NAA11: variants seen among roughly 807,000 people sequenced by gnomAD.
NAA11 encodes the protein N-alpha-acetyltransferase 11, NatA catalytic subunit.
NAA11 carries 15 observed loss-of-function variants against 16.1 expected under a neutral mutation model. The ratio of observed to expected loss-of-function variants is 0.93; its 90% CI spans 0.62 to 1.44. The LOEUF (loss-of-function observed/expected upper bound fraction) is 1.44, where lower values mean the gene tolerates loss of function less well. Ranked by LOEUF, NAA11 falls within the 40% of genes most tolerant of loss-of-function variation. The pLI is 0.00. For synonymous variants in NAA11, 122 were observed against 112.4 expected, an observed-to-expected ratio of 1.09 and a Z score of -0.54; for missense variants, 298 against 291.3, an observed-to-expected ratio of 1.02 and a Z score of -0.17.
chr4:79,218,424 A>G, the NAA11 span, among the ~76,000 whole-genome samples: 1 of 152,044 alleles, frequency 6.6e-6, no homozygotes, highest in Non-Finnish European at 1.5e-5. Flanking sequence ...TTACATATAC[A>G]ACTCCATAAA....
intron 2 of NAA11, among the ~76,000 whole-genome samples, chr4:79,260,704 G>A (rs1045461712): frequency 1.3e-5 from 2 of 152,308 alleles, no homozygotes. Flanking sequence ...GAAAATCAGA[G>A]CTGAAATCGT....
At chr4:79,173,499 G>A in the NAA11 span, among the ~76,000 whole-genome samples, 1 of 151,966 alleles carries the variant, frequency 6.6e-6, no homozygotes, top group African/African-American at 2.4e-5. Flanking sequence ...TATACTAGAT[G>A]TTTAATAAAT....
At chr4:79,288,335 G>C (rs1722997361) in intron 2 of NAA11, among the ~76,000 whole-genome samples, 1 of 152,098 alleles carries the variant, frequency 6.6e-6, no homozygotes, top group African/African-American at 2.4e-5. Context: ...TTCATGAGTA[G>C]GCCAGAGGTG....
the NAA11 span, among the ~76,000 whole-genome samples, chr4:79,186,164 C>G: frequency 6.6e-6 from 1 of 152,180 alleles, no homozygotes; most frequent in South Asian, 2.1e-4. Context: ...CAAGCCCACT[C>G]ATTTTAAAAG....
At chr4:79,246,942 G>T (rs1721853471) in intron 2 of NAA11, among the ~76,000 whole-genome samples, 1 of 152,204 alleles carries the variant, frequency 6.6e-6, no homozygotes, top group African/African-American at 2.4e-5. Context: ...CCCAGTTTTG[G>T]TTTCTTGAGG....
At chr4:79,166,653 A>T in the NAA11 span, among the ~76,000 whole-genome samples, 4 of 143,272 alleles carry the variant, frequency 2.8e-5, no homozygotes, top group East Asian at 9.2e-4. Flanking sequence ...GCGGATCACA[A>T]GGTCAGGAGT....
At chr4:79,286,575 A>G (rs1262122828) in intron 2 of NAA11, among the ~76,000 whole-genome samples, 1 of 152,120 alleles carries the variant, frequency 6.6e-6, no homozygotes, top group African/African-American at 2.4e-5. Context: ...GTCACATGAG[A>G]TTACAGTTGA....
rs1041694116 is a variant in NAA11 at position 79,325,650 on chromosome 4, G to C, written c.228C>G (p.Ala76=). The C allele has an allele frequency of 3.1e-6, 5 of 1,614,050 alleles. No individual in the cohort carries two copies. Among genetic ancestry groups the C allele is most frequent in the Admixed American group, 1.7e-5 (1 of 60,020 alleles). ...CGAGGCGCCGGTGTGAACGCTTCAC[G>C]GCCAGTGAGGTGATATGGCCATGCG... ...DVPHGHITSL[A]VKRSHRRLGL... is the part of the protein sequence containing the mutation. The change falls in exon 1 of 2, where the codon GCC becomes GCG. Residue 76 remains alanine (A), a synonymous_variant. Coordinates refer to ENST00000286794, the MANE Select transcript of NAA11 (RefSeq NM_032693.3).
At chr4:79,191,917 A>G in the NAA11 span, among the ~76,000 whole-genome samples, 1 of 152,184 alleles carries the variant, frequency 6.6e-6, no homozygotes, top group Non-Finnish European at 1.5e-5. Context: ...CAGTTATCCC[A>G]GCACCATTTA....
At chr4:79,263,895 A>C (rs532094947) in intron 2 of NAA11, among the ~76,000 whole-genome samples, 1 of 152,166 alleles carries the variant, frequency 6.6e-6, no homozygotes, top group Non-Finnish European at 1.5e-5. Flanking sequence ...ACATGCTTCT[A>C]GAAGTCTACC....
At chr4:79,219,783 T>G in the NAA11 span, among the ~76,000 whole-genome samples, 1 of 152,314 alleles carries the variant, frequency 6.6e-6, no homozygotes, top group South Asian at 2.1e-4. Flanking sequence ...ATCACAACAC[T>G]TCATCCCTGA....
the NAA11 span, among the ~76,000 whole-genome samples, chr4:79,196,774 A>G: frequency 6.6e-6 from 1 of 151,610 alleles, no homozygotes; most frequent in African/African-American, 2.4e-5. Context: ...AAATAGGGAG[A>G]TTTTCCTGGG....
intron 2 of NAA11, among the ~76,000 whole-genome samples, chr4:79,251,872 C>T (rs750740917): frequency 6.6e-6 from 1 of 152,092 alleles, no homozygotes; most frequent in Non-Finnish European, 1.5e-5. Flanking sequence ...AAAATCCACT[C>T]ATTCAAAAAA....
At chr4:79,156,091 A>G in the NAA11 span, among the ~76,000 whole-genome samples, 2 of 152,186 alleles carry the variant, frequency 1.3e-5, no homozygotes, top group African/African-American at 4.8e-5. Flanking sequence ...TTTAATACCC[A>G]TATAGTTTAA....
chr4:79,165,783 G>A, the NAA11 span, among the ~76,000 whole-genome samples: 4 of 152,244 alleles, frequency 2.6e-5, no homozygotes, highest in Admixed American at 6.5e-5. Context: ...GAAGGTAGAC[G>A]GAAACAGCTT....
At chr4:79,195,939 C>T in the NAA11 span, 1 of 152,592 alleles carries the variant, frequency 6.6e-6, no homozygotes. Flanking sequence ...AACTGTGAGT[C>T]AATTAAACCT....
At chr4:79,173,628 G>A in the NAA11 span, among the ~76,000 whole-genome samples, 4 of 152,206 alleles carry the variant, frequency 2.6e-5, no homozygotes, top group East Asian at 5.8e-4. Flanking sequence ...CAGAAAATGA[G>A]AGTTTCAGAT....
chr4:79,216,454 G>T, the NAA11 span, among the ~76,000 whole-genome samples: 1 of 151,850 alleles, frequency 6.6e-6, no homozygotes, highest in South Asian at 2.1e-4. Flanking sequence ...TAGAGTCAAA[G>T]TTTATTTTTT....
chr4:79,160,621 A>G, the NAA11 span, among the ~76,000 whole-genome samples: 11 of 152,204 alleles, frequency 7.2e-5, no homozygotes, highest in Admixed American at 1.3e-4. Context: ...ATTTTTTAGT[A>G]TCTTTTTATG....
Sources: allele counts gnomAD v4.1 joint callset (sites outside exome capture counted in the v4.1 genomes callset), GRCh38; gene constraint gnomAD v4.1.1; transcripts MANE v1.5; gene names NCBI Gene and HGNC (gene_info 2026-07-23, HGNC 2026-07-21).